Variants in HPF1 observed in about 807,000 individuals in gnomAD.
HPF1 encodes UPF0609 protein C4orf27.
In HPF1, 35 loss-of-function variants were observed where a neutral mutation model predicts 38.8. The ratio of observed to expected loss-of-function variants is 0.90; its 90% CI spans 0.69 to 1.19. The LOEUF is 1.19. Among genes scored for constraint, HPF1 ranks in the 50% most tolerant of loss-of-function variants. The pLI, the probability that HPF1 is intolerant of heterozygous loss-of-function variation, is 0.00. For missense variants in HPF1, 367 were observed against 405.8 expected (o/e 0.90, Z 0.82); for synonymous variants, 115 against 139.2 (o/e 0.83, Z 1.22).
intron 7 of HPF1, 73 bp downstream of exon 7, chr4:169,731,631 T>A: frequency 8.7e-7 from 1 of 1,145,398 alleles, no homozygotes; most frequent in Admixed American, 2.7e-5. Context: ...CACGTATTCA[T>A]GTGTGGATGT....
At chr4:169,747,656 T>C (rs1734066330) in intron 4 of HPF1, among the ~76,000 whole-genome samples, 1 of 152,232 alleles carries the variant, frequency 6.6e-6, no homozygotes, top group African/African-American at 2.4e-5. Flanking sequence ...CACTCACCTC[T>C]ATTCCAACCC....
chr4:169,746,966 A>G (rs765783682), intron 4 of HPF1, among the ~76,000 whole-genome samples: 21 of 142,794 alleles, frequency 1.5e-4, no homozygotes, highest in Non-Finnish European at 2.4e-4. Flanking sequence ...GTTATGTTAC[A>G]TGACCACTAT....
At position 169,731,715 on chromosome 4, in the gene HPF1, A is replaced by C; in HGVS notation, c.898T>G (p.Tyr300Asp). Residue 300 changes from tyrosine to aspartate, a missense_variant, in exon 7 of 8, where the codon TAT becomes GAT. Coordinates refer to ENST00000393381, the MANE Select transcript of HPF1 (RefSeq NM_017867.3). ...GLELGMDLFC[Y>D]GSHYFHKVAG... ...GTTTTTTTACTCACATGTGAGCCAT[A>C]GCAAAAGAGATCCATTCCCAATTCA... 6.4e-7 allele frequency: 1 copy of C among 1,551,944 alleles called. No homozygotes were observed. The highest frequency in any genetic ancestry group is 8.7e-7 in the Non-Finnish European group (1 of 1,155,688).
chr4:169,739,849 C>T (rs1349070378), intron 5 of HPF1, among the ~76,000 whole-genome samples: 2 of 152,078 alleles, frequency 1.3e-5, no homozygotes, highest in Non-Finnish European at 2.9e-5. Context: ...AAAAGCAGGA[C>T]ATAAAGCACT....
Position 169,750,598 on chromosome 4 carries a change from A to G in HPF1, c.336T>C (p.Pro112=). ...CAATAATAATGGTCTGGAACTCAGGAGGATCATAGTAAAACCTCCAGTGAA... is the reference window on the plus strand; with the variant it reads ...CAATAATAATGGTCTGGAACTCAGGGGGATCATAGTAAAACCTCCAGTGAA... The part of the protein sequence containing the change: ...FNLHWRFYYD[P]PEFQTIIIGD... Residue 112 remains proline (P), a synonymous_variant, in exon 3 of 8, where the codon CCT becomes CCC. Transcript: ENST00000393381. The G allele has an allele frequency of 6.2e-7, 1 of 1,613,360 alleles. No individual in the cohort carries two copies. Among genetic ancestry groups the G allele is most frequent in the African/African-American group, 1.3e-5 (1 of 75,020 alleles).
intron 7 of HPF1, among the ~76,000 whole-genome samples, chr4:169,730,886 T>C (rs913537612): frequency 1.3e-5 from 2 of 152,252 alleles, no homozygotes. Flanking sequence ...TAGGCACTGA[T>C]TCTGGAGCCA....
intron 5 of HPF1, 22 bp downstream of exon 5, chr4:169,741,935 G>A: frequency 6.2e-7 from 1 of 1,604,822 alleles, no homozygotes; most frequent in Middle Eastern, 1.9e-4. Flanking sequence ...GCAAAACAGA[G>A]ACCAACAGGT....
At chr4:169,745,026 G>C (rs566672832) in intron 4 of HPF1, among the ~76,000 whole-genome samples, 1 of 152,276 alleles carries the variant, frequency 6.6e-6, no homozygotes, top group African/African-American at 2.4e-5. Flanking sequence ...ATGAAGGACA[G>C]GCACAACCAT....
rs1469108777 is a variant in HPF1, at chr4:169,750,656, G to A, written c.278C>T (p.Thr93Met). 29 of 1,613,612 alleles carry A rather than the reference G, an allele frequency of 1.8e-5. No homozygotes were observed. The highest frequency in any genetic ancestry group is 3.3e-4 in the Middle Eastern group (2 of 6,076). The stretch of plus-strand genomic sequence containing the variant: ...ATTCAGGCCTGTTGATTTTTTCTTC[G>A]TTTTATGTTTTCCAGCAAGGATATC... The part of the protein sequence containing the change: ...PYDILAGKHK[T>M]KKKSTGLNFN... The change falls in exon 3 of 8, where the codon ACG becomes ATG. Residue 93 changes from threonine to methionine, a missense_variant. Physicochemically the swap from Thr to Met is moderately conservative, Grantham distance 81. Transcript: ENST00000393381.
At chr4:169,736,675 G>C (rs1733899242) in intron 6 of HPF1, among the ~76,000 whole-genome samples, 1 of 152,180 alleles carries the variant, frequency 6.6e-6, no homozygotes, top group Non-Finnish European at 1.5e-5. Flanking sequence ...AGTTAGTTCT[G>C]TTCTGAAAAG....
intron 6 of HPF1, among the ~76,000 whole-genome samples, chr4:169,734,799 GGC>G (rs1188707000): frequency 8.5e-5 from 13 of 152,120 alleles, no homozygotes; most frequent in Non-Finnish European, 1.9e-4. Context: ...CAACTAGGCA[GGC>G]AACTCTTCTT....
At position 169,757,903 on chromosome 4, in the gene HPF1, TC is replaced by T; in HGVS notation, c.-27del. ...TCTGCAGCTGCAGCGCCAGCAGAAT[TC>T]CCCGATCCGCGGCCGCTTCCGAGCG... On this transcript the variant is annotated 5_prime_UTR_variant, in exon 1 of 8. Transcript: ENST00000393381. The T allele has an allele frequency of 6.5e-7, 1 of 1,542,398 alleles. No homozygotes were observed.
chr4:169,744,634 TACATA>T (rs927413427), intron 4 of HPF1, among the ~76,000 whole-genome samples: 2 of 152,218 alleles, frequency 1.3e-5, no homozygotes, highest in Non-Finnish European at 2.9e-5. Context: ...TCAAATTCAT[TACATA>T]ACATTATGAA....
intron 5 of HPF1, among the ~76,000 whole-genome samples, chr4:169,741,422 C>A (rs902773377): frequency 6.6e-6 from 1 of 152,098 alleles, no homozygotes; most frequent in African/African-American, 2.4e-5. Context: ...AATCTTCCAG[C>A]TTGTCATTAA....
intron 4 of HPF1, among the ~76,000 whole-genome samples, chr4:169,746,981 TTATC>T (rs1560890214): frequency 3.3e-5 from 3 of 89,700 alleles, no homozygotes; most frequent in African/African-American, 1.0e-4. Flanking sequence ...CACTATTATG[TTATC>T]TTTTTTTAAA....
At chr4:169,749,990 T>C (rs1734097621) in intron 3 of HPF1, among the ~76,000 whole-genome samples, 1 of 152,214 alleles carries the variant, frequency 6.6e-6, no homozygotes, top group Non-Finnish European at 1.5e-5. Context: ...CTTTAAAGGA[T>C]AGCATTTCTA....
intron 4 of HPF1, among the ~76,000 whole-genome samples, chr4:169,746,641 A>G (rs906788792): frequency 1.3e-5 from 2 of 152,128 alleles, no homozygotes; most frequent in Non-Finnish European, 2.9e-5. Flanking sequence ...GTATGCCTTG[A>G]AAGACCTTAT....
chr4:169,751,914 A>C (rs1734124317), intron 2 of HPF1, among the ~76,000 whole-genome samples: 1 of 152,156 alleles, frequency 6.6e-6, no homozygotes, highest in South Asian at 2.1e-4. Context: ...ACAGATACAA[A>C]CATGTAACAA....
intron 6 of HPF1, among the ~76,000 whole-genome samples, chr4:169,732,367 T>C (rs772041733): frequency 3.9e-5 from 6 of 152,060 alleles, no homozygotes; most frequent in Non-Finnish European, 5.9e-5. Flanking sequence ...TCTTGATCTC[T>C]TGACCTCATG....
Sources: gnomAD v4.1 joint callset for allele counts (sites outside exome capture counted in the v4.1 genomes callset) on GRCh38, gnomAD v4.1.1 for gene constraint, MANE v1.5 for transcripts, NCBI Gene and HGNC (gene_info 2026-07-23, HGNC 2026-07-21) for gene names.